The following MAK variants were observed in gnomAD, a reference collection of about 807,000 sequenced individuals.
The protein encoded by MAK is male germ cell associated kinase, also known as serine/threonine-protein kinase MAK.
MAK carries 65 observed loss-of-function variants against 82.6 expected under a neutral mutation model. The ratio of observed to expected loss-of-function variants is 0.79; its 90% CI spans 0.64 to 0.97. The LOEUF (loss-of-function observed/expected upper bound fraction) is 0.97. Ranked by LOEUF, MAK falls within the 50% of genes least tolerant of loss-of-function variation. MAK has a pLI of 0.00. For missense variants in MAK, 703 were observed against 780.2 expected, an observed-to-expected ratio of 0.90 and a Z score of 1.18; for synonymous variants, 250 against 274.2, an observed-to-expected ratio of 0.91 and a Z score of 0.87.
At chr6:10,791,921 G>A (rs1339813246) in intron 9 of MAK, 74 bp from the exon 10 acceptor site, 4 of 1,460,514 alleles carry the variant, frequency 2.7e-6, no homozygotes, top group Non-Finnish European at 3.8e-6. Flanking sequence ...TACTATCTAT[G>A]TAAGACACTA....
chr6:10,779,327 G>C (rs988429960), intron 11 of MAK: 1 of 984,712 alleles, frequency 1.0e-6, no homozygotes, highest in Non-Finnish European at 1.2e-6. Context: ...AAGGCTTACA[G>C]AGTGAGCTGA....
intron 4 of MAK, among the ~76,000 whole-genome samples, chr6:10,815,200 C>T (rs751012546): frequency 9.2e-5 from 14 of 152,136 alleles, no homozygotes; most frequent in Non-Finnish European, 1.9e-4. Context: ...AACATGTAAT[C>T]AGTATAAAAA....
chr6:10,787,814 T>C (rs1013998703), intron 10 of MAK, among the ~76,000 whole-genome samples: 3 of 147,012 alleles, frequency 2.0e-5, no homozygotes, highest in Admixed American at 1.4e-4. Flanking sequence ...TGAGCTGAGA[T>C]CGCGCCACTG....
At chr6:10,795,443 A>G (rs895144463) in intron 9 of MAK, among the ~76,000 whole-genome samples, 2 of 151,096 alleles carry the variant, frequency 1.3e-5, no homozygotes, top group African/African-American at 4.9e-5. Context: ...ACTCCGTCTC[A>G]AGAAATAAAA....
In MAK at chr6:10,803,811, G is replaced by A. The variant is rs1776198387; in HGVS notation, c.572C>T (p.Ala191Val). ...AAGTGGCCTTAACATATAGAGTTCAGCCATGATACTTCCAACAGCCCACAC... is the reference window on the plus strand; with the variant it reads ...AAGTGGCCTTAACATATAGAGTTCAACCATGATACTTCCAACAGCCCACAC... Reference protein sequence around the residue: ...IDVWAVGSIMAELYMLRPLFP... With the variant: ...IDVWAVGSIMVELYMLRPLFP... Residue 191 changes from alanine (A) to valine (V), a missense_variant, in exon 7 of 15, where the codon GCT becomes GTT. Transcript: ENST00000354489. 6.2e-6 allele frequency: 10 copies of A among 1,613,938 alleles called. No homozygotes were observed. The highest frequency in any genetic ancestry group is 1.1e-5 in the South Asian group (1 of 91,086).
intron 12 of MAK, among the ~76,000 whole-genome samples, chr6:10,773,848 T>C (rs1773225677): frequency 6.6e-6 from 1 of 152,038 alleles, no homozygotes; most frequent in African/African-American, 2.4e-5. Context: ...CATGCCACCA[T>C]GCCTGGATTT....
intron 8 of MAK, among the ~76,000 whole-genome samples, chr6:10,799,468 T>C (rs60548266): frequency 0.036 from 5,481 of 152,146 alleles, 298 homozygotes; most frequent in African/African-American, 0.12. Context: ...AATTAGAAAA[T>C]ATGGGCCAGG....
chr6:10,784,266 A>G (rs577603526), intron 11 of MAK, among the ~76,000 whole-genome samples, 158 bp downstream of exon 11: 54 of 152,266 alleles, frequency 3.5e-4, no homozygotes, highest in Admixed American at 7.2e-4. Flanking sequence ...TAGAAACAGG[A>G]GGTCCAGAAA....
intron 5 of MAK, among the ~76,000 whole-genome samples, chr6:10,813,092 A>T (rs1281339787): frequency 0.043 from 11 of 256 alleles, 1 homozygote; most frequent in Admixed American, 0.14. Flanking sequence ...ATTTTTATAT[A>T]TATATATATA....
intron 2 of MAK, among the ~76,000 whole-genome samples, chr6:10,826,896 G>A (rs1778412686): frequency 6.6e-6 from 1 of 152,164 alleles, no homozygotes; most frequent in African/African-American, 2.4e-5. Context: ...TGGATCACCT[G>A]AGGTCGGGAG....
chr6:10,769,002 G>A (rs1382977402), intron 14 of MAK, among the ~76,000 whole-genome samples: 2 of 152,148 alleles, frequency 1.3e-5, no homozygotes, highest in East Asian at 1.9e-4. Flanking sequence ...TTGCGCCCAC[G>A]AGTCAAGATC....
At position 10,791,741 on chromosome 6, in the gene MAK, G is replaced by A. The variant is rs779355214; in HGVS notation, c.1250C>T (p.Ala417Val). The change falls in exon 10 of 15, where the codon GCC becomes GTC. Residue 417 changes from alanine to valine, a missense_variant. Ala to Val is a moderately conservative substitution (Grantham distance 64). Coordinates refer to ENST00000354489, the MANE Select transcript of MAK (RefSeq NM_001242957.3). The stretch of plus-strand genomic sequence containing the variant: ...CATGCTTGGCTTCTTGGAATGGGAG[G>A]CTCCGAAATCATAGTCCTCCAACTC... ...WEELEDYDFG[A>V]SHSKKPSMGV... 5.0e-6 allele frequency: 8 copies of A among 1,613,890 alleles called. No individual in the cohort carries two copies. In the South Asian group the frequency reaches 6.6e-5, roughly 13 times the overall value.
intron 9 of MAK, among the ~76,000 whole-genome samples, chr6:10,792,424 C>A (rs770156531): frequency 2.6e-4 from 40 of 152,330 alleles, no homozygotes; most frequent in Admixed American, 1.2e-3. Context: ...TTCTTGTTAT[C>A]TGAGAACAAC....
chr6:10,804,472 A>G (rs545092558), intron 6 of MAK, among the ~76,000 whole-genome samples: 8 of 152,294 alleles, frequency 5.3e-5, no homozygotes, highest in African/African-American at 1.9e-4. Context: ...CCTCCCGAGC[A>G]GCGGGGATTA....
intron 7 of MAK, among the ~76,000 whole-genome samples, chr6:10,802,742 G>A (rs1426740194): frequency 1.3e-5 from 2 of 152,180 alleles, no homozygotes; most frequent in Non-Finnish European, 2.9e-5. Context: ...TCCTTGTCGT[G>A]TATATTACCC....
intron 6 of MAK, 70 bp downstream of exon 6, chr6:10,808,740 G>A (rs761033064): frequency 7.0e-7 from 1 of 1,422,874 alleles, no homozygotes. Flanking sequence ...CCAGAAATAT[G>A]TAACAATCCA....
chr6:10,816,353 G>T (rs1359042520), intron 4 of MAK, among the ~76,000 whole-genome samples: 3 of 151,924 alleles, frequency 2.0e-5, no homozygotes, highest in African/African-American at 7.3e-5. Flanking sequence ...TTAAAGGCAG[G>T]AACTACCACA....
At chr6:10,797,783 G>A in intron 8 of MAK, 6 of 1,254,646 alleles carry the variant, frequency 4.8e-6, no homozygotes, top group Non-Finnish European at 6.1e-6. Flanking sequence ...GGAACAGAAG[G>A]CAGCTTGGTA....
intron 2 of MAK, among the ~76,000 whole-genome samples, chr6:10,821,949 C>T (rs1305778166): frequency 2.7e-5 from 4 of 150,230 alleles, no homozygotes; most frequent in Non-Finnish European, 3.0e-5. Flanking sequence ...AGATGGAGAC[C>T]CTCCTGGGTA....
Sources: gnomAD v4.1 joint callset for allele counts (sites outside exome capture counted in the v4.1 genomes callset) on GRCh38, gnomAD v4.1.1 for gene constraint, MANE v1.5 for transcripts, NCBI Gene and HGNC (gene_info 2026-07-23, HGNC 2026-07-21) for gene names.